VCP: variants seen among roughly 807,000 people sequenced by gnomAD.
The protein encoded by VCP is valosin containing protein.
A neutral mutation model predicts 85.7 loss-of-function variants in VCP; 6 were observed. The observed-to-expected ratio is 0.07, with a 90% CI of 0.04 to 0.14. The LOEUF (loss-of-function observed/expected upper bound fraction) is 0.14. VCP is among the 10% of genes least tolerant of loss of function. The pLI is 1.00. For missense variants in VCP, 353 were observed against 1,043.4 expected (o/e 0.34, Z 9.12); for synonymous variants, 384 against 367.1 (o/e 1.05, Z -0.53).
Position 35,056,687 on chromosome 9 carries a change from T to C in VCP, c.*430A>G. 2 of 256,762 alleles carry C rather than the reference T, an allele frequency of 7.8e-6. No individual in the cohort carries two copies. Among genetic ancestry groups the C allele is most frequent in the Non-Finnish European group, 7.8e-6 (1 of 128,252 alleles). 15.9% of individuals were successfully genotyped at this position (256,762 alleles called of 1,614,324 possible). ...AAAATAAATCAACCTACTCTCTATA[T>C]AAACATCCAGCAACTGTGGCCCCTA... On this transcript the variant is annotated 3_prime_UTR_variant, in exon 17 of 17. Transcript: ENST00000358901.
Position 35,062,343 on chromosome 9 carries a change from C to A in VCP, c.819G>T (p.Glu273Asp). ...GAFFFLINGPEIMSKLAGESE... is the reference protein window; with the variant it reads ...GAFFFLINGPDIMSKLAGESE... ...ACTCACCAGCCAATTTGCTCATGAT[C>A]TCAGGACCTGAAAGGATACAGAATG... is the stretch of plus-strand genomic sequence containing the variant. The change falls in exon 8 of 17, where the codon GAG becomes GAT. Residue 273 changes from glutamate (E) to aspartate (D), a missense_variant. Coordinates refer to ENST00000358901, the MANE Select transcript of VCP (RefSeq NM_007126.5). 6.2e-7 allele frequency: 1 copy of A among 1,614,186 alleles called. No individual in the cohort carries two copies.
At position 35,063,205 on chromosome 9, in the gene VCP, C is replaced by T. The variant is rs140715692; in HGVS notation, c.709-125G>A. ...CTGACAATATTAAGAATAAGCCCTC[C>T]GCAGTAAATGCTAAGAAGACAATTA... is the stretch of plus-strand genomic sequence containing the variant. On this transcript the variant is annotated intron_variant, in intron 6 of 16. Coordinates refer to ENST00000358901, the MANE Select transcript of VCP (RefSeq NM_007126.5). The T allele has an allele frequency of 3.5e-4, 285 of 813,388 alleles. No homozygotes were observed. In the African/African-American group the frequency reaches 3.7e-3, roughly 10 times the overall value. The allele number at this position is 813,388 out of a possible 1,614,324, so 50.4% of individuals were successfully genotyped here.
At chr9:35,060,683 G>A in intron 12 of VCP, 118 bp downstream of exon 12, 1 of 1,578,212 alleles carries the variant, frequency 6.3e-7, no homozygotes, top group Non-Finnish European at 8.7e-7. Flanking sequence ...CCTAAGAACA[G>A]TAGGTTCCTA....
chr9:35,062,192 T>TCTATCC (rs777133346), intron 8 of VCP, 25 bp downstream of exon 8: 1 of 1,614,122 alleles, frequency 6.2e-7, no homozygotes, highest in East Asian at 2.2e-5. Context: ...TCAACCCCCC[T>TCTATCC]CTATCCCCTC....
rs1828872656 is a variant in VCP, at chr9:35,068,266, C to G, written c.114G>C (p.Val38=). 2 of 1,614,100 alleles carry G rather than the reference C, an allele frequency of 1.2e-6. No homozygotes were observed. The highest frequency in any genetic ancestry group is 8.5e-7 in the Non-Finnish European group (1 of 1,179,976). Residue 38 remains valine, a synonymous_variant, in exon 2 of 17, where the codon GTG becomes GTC. Coordinates refer to ENST00000358901, the MANE Select transcript of VCP (RefSeq NM_007126.5). ...CACAGCTTACCTGGGACAAGGACAC[C>G]ACACTGTTGTCCTCATTGATGGCTT... ...VDEAINEDNS[V]VSLSQPKMDE... is the part of the protein sequence containing the mutation.
chr9:35,063,111 C>CCCA, intron 6 of VCP, 31 bp from the exon 7 acceptor site: 1 of 1,605,720 alleles, frequency 6.2e-7, no homozygotes, highest in South Asian at 1.1e-5. Flanking sequence ...TGATTAGGTT[C>CCCA]CCACCTTCTC....
At chr9:35,068,585 T>G (rs773360549) in intron 1 of VCP, among the ~76,000 whole-genome samples, 54 of 152,298 alleles carry the variant, frequency 3.5e-4, no homozygotes, top group Middle Eastern at 3.4e-3. Flanking sequence ...GTGTCCCAGC[T>G]ATAAGGCCCC....
At chr9:35,067,165 G>T (rs1399261457) in intron 3 of VCP, among the ~76,000 whole-genome samples, 1 of 152,124 alleles carries the variant, frequency 6.6e-6, no homozygotes, top group African/African-American at 2.4e-5. Flanking sequence ...TGAAACAGAA[G>T]TGAAAAAAAC....
rs947894370 is a variant in VCP, at chr9:35,072,390, C to T, written c.-37G>A. 5 of 1,473,152 alleles carry T rather than the reference C, an allele frequency of 3.4e-6. No individual in the cohort carries two copies. The highest frequency in any genetic ancestry group is 1.3e-5 in the South Asian group (1 of 77,178). The allele number at this position is 1,473,152 out of a possible 1,614,324, so 91.3% of individuals were successfully genotyped here. On this transcript the variant is annotated 5_prime_UTR_variant, in exon 1 of 17. Transcript: ENST00000358901. ...CTCCCGGCCGGCGGCTGTGGCGGCC[C>T]GCGGGTAACGGCTACGAGCGGTGGC...
chr9:35,066,458 C>T (rs150564851), intron 4 of VCP, among the ~76,000 whole-genome samples: 1 of 151,074 alleles, frequency 6.6e-6, no homozygotes, highest in Non-Finnish European at 1.5e-5. Flanking sequence ...AACTCCTGGC[C>T]TCAAGTGATC....
chr9:35,072,124 A>G, intron 1 of VCP: 1 of 1,367,434 alleles, frequency 7.3e-7, no homozygotes, highest in East Asian at 3.3e-5. Flanking sequence ...CCCGGACCCA[A>G]CGCAAGCCCC....
chr9:35,058,751 A>G (rs1409640051), intron 15 of VCP, among the ~76,000 whole-genome samples: 1 of 152,142 alleles, frequency 6.6e-6, no homozygotes, highest in East Asian at 1.9e-4. Context: ...TGGGCAACAG[A>G]GTGAGACTTC....
chr9:35,065,386 G>A lies in VCP; in HGVS notation c.446-5C>T, dbSNP rs541980846. 1.7e-5 allele frequency: 28 copies of A among 1,614,098 alleles called. No homozygotes were observed. Among genetic ancestry groups the A allele is most frequent in the South Asian group, 4.4e-5 (4 of 91,072 alleles). On this transcript the variant is annotated splice_region_variant and splice_polypyrimidine_tract_variant and intron_variant, in intron 4 of 16. Coordinates refer to ENST00000358901, the MANE Select transcript of VCP (RefSeq NM_007126.5). ...CACGGACAAGAAAAATGTCTCCTGCGAGAGCAAACAGTACAAGCACAGTTA... is the reference window on the plus strand; with the variant it reads ...CACGGACAAGAAAAATGTCTCCTGCAAGAGCAAACAGTACAAGCACAGTTA...
In VCP at chr9:35,059,797, C is replaced by A; in HGVS notation, c.1700G>T (p.Arg567Leu). 1 of 1,614,034 alleles carries A rather than the reference C, an allele frequency of 6.2e-7. No individual in the cohort carries two copies. The highest frequency in any genetic ancestry group is 8.5e-7 in the Non-Finnish European group (1 of 1,180,018). Residue 567 changes from arginine to leucine, a missense_variant, in exon 14 of 17, where the codon CGC (arginine) becomes CTC (leucine). Physicochemically the swap from Arg to Leu is moderately radical, Grantham distance 102. Around this residue, in one of 8 missense-constraint regions of VCP, gnomAD observed 30 missense variants for 192.3 expected, o/e 0.16. Coordinates refer to ENST00000358901, the MANE Select transcript of VCP (RefSeq NM_007126.5). This position sits in a 1 kb window ranked among gnomAD's most constrained non-coding sequence, Gnocchi z 4.9. ...ANVREIFDKARQAAPCVLFFD... is the reference protein window; with the variant it reads ...ANVREIFDKALQAAPCVLFFD... ...GAATAGCACACAGGGGGCAGCTTGG[C>A]GGGCCTGTAGGAGGAATGGATTGAT... is the stretch of plus-strand genomic sequence containing the variant.
intron 1 of VCP, chr9:35,071,836 C>T (rs2131046108): frequency 1.0e-6 from 1 of 989,334 alleles, no homozygotes; most frequent in East Asian, 1.1e-4. Flanking sequence ...ACCCCGGGCT[C>T]CGCCTCGGTG....
At position 35,065,338 on chromosome 9, in the gene VCP, G is replaced by A. The variant is rs267602221; in HGVS notation, c.489C>T (p.Phe163=). The A allele has an allele frequency of 6.2e-7, 1 of 1,614,156 alleles. No homozygotes were observed. Among genetic ancestry groups the A allele is most frequent in the Non-Finnish European group, 8.5e-7 (1 of 1,180,036 alleles). The change falls in exon 5 of 17, where the codon TTC becomes TTT. Residue 163 remains phenylalanine, a synonymous_variant. Coordinates refer to ENST00000358901, the MANE Select transcript of VCP (RefSeq NM_007126.5). The stretch of plus-strand genomic sequence containing the variant: ...GGCTAGGATCTGTTTCCACCACTTT[G>A]AACTCCACAGCACGCATCCCACCAC... The part of the protein sequence containing the change: ...LVRGGMRAVE[F]KVVETDPSPY...
intron 7 of VCP, 98 bp downstream of exon 7, chr9:35,062,880 G>T: frequency 9.4e-7 from 1 of 1,066,624 alleles, no homozygotes; most frequent in Non-Finnish European, 1.5e-6. Context: ...CATGAAGGAG[G>T]GCATGGGTGC....
At chr9:35,065,817 G>C (rs914802092) in intron 4 of VCP, among the ~76,000 whole-genome samples, 2 of 152,200 alleles carry the variant, frequency 1.3e-5, no homozygotes, top group Non-Finnish European at 2.9e-5. Context: ...GAAAAAAAGA[G>C]GGTAAGACAT....
At chr9:35,065,143 C>T (rs1250165893) in intron 5 of VCP, 108 bp downstream of exon 5, 41 of 1,532,762 alleles carry the variant, frequency 2.7e-5, no homozygotes, top group Non-Finnish European at 3.5e-5. Flanking sequence ...ACTGGGATTA[C>T]AGGTGTCAGC....
Sources: allele counts gnomAD v4.1 joint callset (sites outside exome capture counted in the v4.1 genomes callset), GRCh38; gene constraint gnomAD v4.1.1; regional missense constraint gnomAD v4.1.1; non-coding constraint Gnocchi (gnomAD v3.1); transcripts MANE v1.5; gene names NCBI Gene and HGNC (gene_info 2026-07-23, HGNC 2026-07-21).